Variants in AFG2A observed in about 807,000 individuals in gnomAD.
AFG2A encodes the protein ATPase family gene 2 protein homolog A.
the AFG2A span, among the ~76,000 whole-genome samples, chr4:123,228,108 T>TC: frequency 2.6e-5 from 4 of 152,190 alleles, no homozygotes; most frequent in Non-Finnish European, 1.5e-5. Flanking sequence ...TGTGTGTCTC[T>TC]GTACATGAGA....
the AFG2A span, among the ~76,000 whole-genome samples, chr4:123,194,756 A>G: frequency 6.6e-6 from 1 of 152,194 alleles, no homozygotes; most frequent in Non-Finnish European, 1.5e-5. Context: ...CATGACCTTA[A>G]TAAAATTTCC....
the AFG2A span, among the ~76,000 whole-genome samples, chr4:123,287,604 C>A: frequency 1.3e-5 from 2 of 152,154 alleles, no homozygotes; most frequent in African/African-American, 2.4e-5. Context: ...TTCTTTCCTT[C>A]ATTGTTCTTT....
chr4:123,060,644 C>A, the AFG2A span, among the ~76,000 whole-genome samples: 2 of 152,072 alleles, frequency 1.3e-5, no homozygotes, highest in African/African-American at 2.4e-5. Context: ...TGGACCTGGC[C>A]CAGAAAACCA....
chr4:123,000,119 G>A, the AFG2A span, among the ~76,000 whole-genome samples: 1 of 149,280 alleles, frequency 6.7e-6, no homozygotes, highest in African/African-American at 2.5e-5. Flanking sequence ...TGTTATTGGT[G>A]TATAAGAATG....
the AFG2A span, chr4:123,028,082 TA>T: frequency 2.5e-5 from 23 of 930,680 alleles, no homozygotes; most frequent in Admixed American, 1.7e-4. Context: ...TAAATGGTTC[TA>T]TTCTTTTTTG....
At chr4:123,266,854 T>C in the AFG2A span, among the ~76,000 whole-genome samples, 2 of 151,948 alleles carry the variant, frequency 1.3e-5, no homozygotes, top group African/African-American at 2.4e-5. Context: ...AAGAAAAAAA[T>C]AGTAACCCAA....
the AFG2A span, among the ~76,000 whole-genome samples, chr4:123,149,798 C>CTTT: frequency 8.2e-5 from 10 of 121,646 alleles, no homozygotes; most frequent in African/African-American, 3.7e-4. Context: ...TAGGAAATAG[C>CTTT]TTTTTTTTTT....
the AFG2A span, among the ~76,000 whole-genome samples, chr4:123,023,607 CT>C: frequency 0.041 from 6,221 of 152,054 alleles, 404 homozygotes; most frequent in African/African-American, 0.14. Flanking sequence ...AATTATTTAC[CT>C]TTTCCACACA....
the AFG2A span, among the ~76,000 whole-genome samples, chr4:123,153,250 C>T: frequency 6.6e-6 from 1 of 152,316 alleles, no homozygotes; most frequent in South Asian, 2.1e-4. Context: ...GGGCTTCTCA[C>T]AGCATGGCAG....
the AFG2A span, among the ~76,000 whole-genome samples, chr4:123,234,750 G>C: frequency 6.6e-6 from 1 of 152,120 alleles, no homozygotes; most frequent in Admixed American, 6.6e-5. Context: ...ACTTTTGACT[G>C]AGTATTCATA....
At chr4:122,923,676 A>G in the AFG2A span, among the ~76,000 whole-genome samples, 1 of 152,256 alleles carries the variant, frequency 6.6e-6, no homozygotes, top group East Asian at 1.9e-4. Context: ...CCAATTCAGT[A>G]AAAATGTGGA....
At chr4:123,133,749 C>T in the AFG2A span, among the ~76,000 whole-genome samples, 1 of 152,180 alleles carries the variant, frequency 6.6e-6, no homozygotes, top group African/African-American at 2.4e-5. Flanking sequence ...TTTACAGTGT[C>T]ACTAACGGTG....
the AFG2A span, among the ~76,000 whole-genome samples, chr4:123,102,650 A>G: frequency 6.6e-6 from 1 of 152,034 alleles, no homozygotes; most frequent in Non-Finnish European, 1.5e-5. Context: ...CTCATGTTTG[A>G]GAACGAATGT....
At chr4:122,977,410 C>T in the AFG2A span, among the ~76,000 whole-genome samples, 5 of 152,230 alleles carry the variant, frequency 3.3e-5, no homozygotes, top group African/African-American at 1.2e-4. Context: ...CAGGCACAGG[C>T]ACCGGCTCTG....
the AFG2A span, among the ~76,000 whole-genome samples, chr4:123,006,550 T>G: frequency 6.6e-6 from 1 of 152,148 alleles, no homozygotes; most frequent in Admixed American, 6.5e-5. Context: ...TTTTACTTTT[T>G]TTGTTTGGTT....
the AFG2A span, among the ~76,000 whole-genome samples, chr4:123,064,685 A>G: frequency 1.3e-5 from 2 of 152,312 alleles, no homozygotes; most frequent in African/African-American, 4.8e-5. Context: ...TAGATTTCCC[A>G]TAACAACTTC....
At chr4:123,128,147 C>A in the AFG2A span, among the ~76,000 whole-genome samples, 2 of 152,140 alleles carry the variant, frequency 1.3e-5, no homozygotes, top group Non-Finnish European at 2.9e-5. Context: ...AGAAGGAAAT[C>A]TCTTTGTGTT....
chr4:123,090,907 A>T, the AFG2A span, among the ~76,000 whole-genome samples: 1 of 152,224 alleles, frequency 6.6e-6, no homozygotes, highest in Non-Finnish European at 1.5e-5. Context: ...AAGTTATACA[A>T]AGCAAGTTTA....
At chr4:122,986,176 C>T in the AFG2A span, among the ~76,000 whole-genome samples, 1 of 151,996 alleles carries the variant, frequency 6.6e-6, no homozygotes, top group East Asian at 1.9e-4. Flanking sequence ...TTTATTGAGG[C>T]TCGTTTTATG....
Sources: allele counts gnomAD v4.1 joint callset (sites outside exome capture counted in the v4.1 genomes callset), GRCh38; gene constraint gnomAD v4.1.1; transcripts MANE v1.5; gene names NCBI Gene and HGNC (gene_info 2026-07-23, HGNC 2026-07-21).